The following PAM variants were observed in gnomAD, a reference collection of about 807,000 sequenced individuals.
The protein encoded by PAM is peptidylglycine alpha-amidating monooxygenase, also known as peptidyl-glycine alpha-amidating monooxygenase.
A neutral mutation model predicts 122.1 loss-of-function variants in PAM; 72 were observed. The ratio of observed to expected loss-of-function variants is 0.59; its 90% CI spans 0.49 to 0.72. The LOEUF (loss-of-function observed/expected upper bound fraction) is 0.72, where lower values mean the gene tolerates loss of function less well. Among genes scored for constraint, PAM ranks in the 30% least tolerant of loss-of-function variants. The pLI, the probability that PAM is intolerant of heterozygous loss-of-function variation, is 0.00. For synonymous variants in PAM, 389 were observed against 404.4 expected (o/e 0.96, Z 0.46); for missense variants, 1,106 against 1,183.7 (o/e 0.93, Z 0.96).
At chr5:102,819,031 G>A (rs531698962) in intron 1 of PAM, among the ~76,000 whole-genome samples, 4 of 152,096 alleles carry the variant, frequency 2.6e-5, no homozygotes, top group Non-Finnish European at 5.9e-5. Context: ...GTGAGAGGGC[G>A]AAAGAGAATA....
chr5:102,875,588 C>T (rs1407984399), intron 3 of PAM, among the ~76,000 whole-genome samples: 1 of 152,172 alleles, frequency 6.6e-6, no homozygotes, highest in Non-Finnish European at 1.5e-5. Flanking sequence ...TATTCTTGGT[C>T]ACTTGGCTGT....
Position 102,908,636 on chromosome 5 carries a change from G to T in PAM, c.269-5298G>T, listed in dbSNP as rs935270795. Among the ~76,000 whole-genome samples, 20 of 151,430 alleles carry T rather than the reference G, an allele frequency of 1.3e-4. 1 individual carries two copies. Among genetic ancestry groups the T allele is most frequent in the Admixed American group, 6.6e-5 (1 of 15,162 alleles). ...AATGCTAAATGACGAGTTAGTGGGT[G>T]CAGCGCACCAGCATGGCACATGTAT... On this transcript the variant is annotated intron_variant, in intron 4 of 25. Coordinates refer to ENST00000438793, the MANE Select transcript of PAM (RefSeq NM_001177306.2).
intron 3 of PAM, among the ~76,000 whole-genome samples, chr5:102,871,767 C>T (rs1387124798): frequency 6.9e-6 from 1 of 145,310 alleles, no homozygotes; most frequent in East Asian, 2.0e-4. Context: ...TGAAATAAGC[C>T]TTGATTTTTT....
At chr5:102,946,042 T>C (rs189913325) in intron 7 of PAM, among the ~76,000 whole-genome samples, 109 of 152,298 alleles carry the variant, frequency 7.2e-4, no homozygotes, top group African/African-American at 2.4e-3. Flanking sequence ...GTTTCTGAGT[T>C]CACAGAAGTA....
intron 19 of PAM, among the ~76,000 whole-genome samples, 155 bp downstream of exon 19, chr5:103,007,166 CACACACACACACACACACATATACAT>C (rs761248115): frequency 0.019 from 1,567 of 84,462 alleles, 43 homozygotes; most frequent in Admixed American, 0.11. Flanking sequence ...GCTTGTCTCT[CACACACACACACACACACATATACAT>C]ACACACACAC....
chr5:102,834,820 G>C (rs1334117034), intron 1 of PAM, among the ~76,000 whole-genome samples: 1 of 152,136 alleles, frequency 6.6e-6, no homozygotes, highest in East Asian at 1.9e-4. Flanking sequence ...GGTAGGTTCT[G>C]TAGGGCCTTT....
Position 103,009,751 on chromosome 5 carries a change from G to A in PAM, c.2216G>A (p.Gly739Asp), listed in dbSNP as rs1231009331. 6.4e-7 allele frequency: 1 copy of A among 1,563,504 alleles called. No individual in the cohort carries two copies. Among genetic ancestry groups the A allele is most frequent in the South Asian group, 1.1e-5 (1 of 90,070 alleles). The change falls in exon 21 of 26, where the codon GGC becomes GAC. Residue 739 changes from glycine (G) to aspartate (D), a missense_variant and splice_region_variant. Gly to Asp is a moderately conservative substitution (Grantham distance 94). Coordinates refer to ENST00000438793, the MANE Select transcript of PAM (RefSeq NM_001177306.2). ...RNVFAISYIPGLLFAVNGKPH... is the reference protein window; with the variant it reads ...RNVFAISYIPDLLFAVNGKPH... ...AGGTTAACTGGATTTGCTGTTGCAGGCTTGCTCTTTGCAGTGAATGGGAAG... is the reference window on the plus strand; with the variant it reads ...AGGTTAACTGGATTTGCTGTTGCAGACTTGCTCTTTGCAGTGAATGGGAAG...
At chr5:102,909,628 G>GT (rs1430232971) in intron 4 of PAM, among the ~76,000 whole-genome samples, 1 of 151,782 alleles carries the variant, frequency 6.6e-6, no homozygotes, top group African/African-American at 2.4e-5. Flanking sequence ...GATGGGGGAG[G>GT]CGAGAAGGGA....
At position 102,974,703 on chromosome 5, in the gene PAM, G is replaced by A. The variant is rs937231507; in HGVS notation, c.1483+267G>A. On this transcript the variant is annotated intron_variant, in intron 15 of 25. Coordinates refer to ENST00000438793, the MANE Select transcript of PAM (RefSeq NM_001177306.2). ...GGACCAAAAAATATTTGGATCATTT[G>A]GGGAAAGGAGGCATATGAAATTCAG... 6 of 295,534 alleles carry A rather than the reference G, an allele frequency of 2.0e-5. No homozygotes were observed. In the Admixed American group the frequency reaches 2.4e-4, roughly 12 times the overall value. The allele number at this position is 295,534 out of a possible 1,614,324, so 18.3% of individuals were successfully genotyped here.
chr5:102,810,485 G>A (rs1028303113), intron 1 of PAM, among the ~76,000 whole-genome samples: 1 of 152,196 alleles, frequency 6.6e-6, no homozygotes, highest in Admixed American at 6.5e-5. Flanking sequence ...TTTCCAGCAT[G>A]AGATAAATGA....
intron 1 of PAM, among the ~76,000 whole-genome samples, chr5:102,842,427 A>G (rs550582253): frequency 2.1e-4 from 32 of 152,204 alleles, no homozygotes; most frequent in African/African-American, 6.7e-4. Flanking sequence ...TGGTTTCATA[A>G]AGGGAAGTTT....
chr5:102,769,333 C>T (rs1378732264), intron 1 of PAM, among the ~76,000 whole-genome samples: 2 of 152,126 alleles, frequency 1.3e-5, no homozygotes, highest in African/African-American at 4.8e-5. Context: ...GTTTCCTTTG[C>T]TGTGCAGAAG....
chr5:102,829,533 G>A (rs924969153), intron 1 of PAM, among the ~76,000 whole-genome samples: 18 of 151,818 alleles, frequency 1.2e-4, no homozygotes, highest in Admixed American at 3.9e-4. Context: ...CACCACACCC[G>A]GATAATTTTG....
chr5:102,824,350 T>G (rs1772967468), intron 1 of PAM, among the ~76,000 whole-genome samples: 1 of 152,216 alleles, frequency 6.6e-6, no homozygotes, highest in Non-Finnish European at 1.5e-5. Context: ...AAGAATACAA[T>G]TTTATGAAAT....
At chr5:103,008,193 T>TAGTAA (rs1562230301) in intron 20 of PAM, among the ~76,000 whole-genome samples, 1 of 151,214 alleles carries the variant, frequency 6.6e-6, no homozygotes, top group Non-Finnish European at 1.5e-5. Flanking sequence ...TAATTCAGAC[T>TAGTAA]AATAAAATAC....
rs1751967907 is a variant in PAM at position 102,932,657 on chromosome 5, AT to A, written c.526+5990del. On this transcript the variant is annotated intron_variant, in intron 7 of 25. Coordinates refer to ENST00000438793, the MANE Select transcript of PAM (RefSeq NM_001177306.2). Reference sequence around the variant, plus strand: ...CATCTCAAAATAAATAAATAAATATATATATATAAAAAATAAAAAATAGAGT... The same window carrying A: ...CATCTCAAAATAAATAAATAAATATAATATATAAAAAATAAAAAATAGAGT... 2.0e-5 allele frequency among the ~76,000 whole-genome samples: 3 copies of A among 149,592 alleles called. No homozygotes were observed. In the South Asian group the frequency reaches 6.3e-4, roughly 31 times the overall value.
chr5:103,019,978 T>G, intron 23 of PAM, 135 bp downstream of exon 23: 2 of 693,656 alleles, frequency 2.9e-6, no homozygotes, highest in Admixed American at 4.5e-5. Flanking sequence ...TTCTGCTATG[T>G]ACTGAGCCTT....
intron 1 of PAM, among the ~76,000 whole-genome samples, chr5:102,853,145 T>G (rs946130822): frequency 6.6e-6 from 1 of 152,320 alleles, no homozygotes; most frequent in South Asian, 2.1e-4. Flanking sequence ...CAACACAAAC[T>G]TGAGGCTAAG....
chr5:102,781,141 A>G (rs1026500252), intron 1 of PAM, among the ~76,000 whole-genome samples: 1 of 152,152 alleles, frequency 6.6e-6, no homozygotes, highest in Non-Finnish European at 1.5e-5. Flanking sequence ...ATTGCATACA[A>G]TACTTGTAGA....
Sources: allele counts gnomAD v4.1 joint callset (sites outside exome capture counted in the v4.1 genomes callset), GRCh38; gene constraint gnomAD v4.1.1; transcripts MANE v1.5; gene names NCBI Gene and HGNC (gene_info 2026-07-23, HGNC 2026-07-21).